NKD1: variants seen among roughly 807,000 people sequenced by gnomAD.
NKD1 encodes the protein NKD inhibitor of Wnt signaling pathway 1, also known as protein naked cuticle homolog 1.
In NKD1, 21 loss-of-function variants were observed where a neutral mutation model predicts 56.0. The observed-to-expected ratio is 0.38, with a 90% confidence interval of 0.27 to 0.54. NKD1 has a LOEUF of 0.54. Among genes scored for constraint, NKD1 ranks in the 20% least tolerant of loss-of-function variants. The pLI is 0.82. For synonymous variants in NKD1, 263 were observed against 265.7 expected, an observed-to-expected ratio of 0.99 and a Z score of 0.10; for missense variants, 578 against 642.7, an observed-to-expected ratio of 0.90 and a Z score of 1.09.
At chr16:50,586,670 C>A (rs1474113876) in intron 3 of NKD1, among the ~76,000 whole-genome samples, 1 of 152,300 alleles carries the variant, frequency 6.6e-6, no homozygotes, top group South Asian at 2.1e-4. Context: ...GCCTTCCTGG[C>A]CTTGCAATTA....
At position 50,643,827 on chromosome 16, in the gene NKD1, C is replaced by T. The variant is rs1380270579; in HGVS notation, c.*10046C>T. On this transcript the variant is annotated 3_prime_UTR_variant, in exon 10 of 10. Transcript: ENST00000268459. ...TTGAACTCAGCCAACAGCTCTATAA[C>T]TCATGACTGAATGAAGCTTATCTAG... 6.6e-6 allele frequency: 1 copy of T among 152,252 alleles called. No individual in the cohort carries two copies. The highest frequency in any genetic ancestry group is 1.5e-5 in the Non-Finnish European group (1 of 68,048). 9.4% of individuals were successfully genotyped at this position (152,252 alleles called of 1,614,324 possible).
intron 7 of NKD1, 127 bp from the exon 8 acceptor site, chr16:50,630,699 A>G: frequency 2.6e-6 from 2 of 756,932 alleles, no homozygotes; most frequent in South Asian, 1.8e-5. Flanking sequence ...AGACCCCTTT[A>G]TTTAGCCCCA....
intron 3 of NKD1, among the ~76,000 whole-genome samples, chr16:50,580,843 C>T (rs570945722): frequency 6.6e-6 from 1 of 152,224 alleles, no homozygotes; most frequent in Admixed American, 6.5e-5. Context: ...CAGTGCCCAC[C>T]AACCCTGTTT....
At chr16:50,558,873 C>T (rs1225172935) in intron 3 of NKD1, among the ~76,000 whole-genome samples, 1 of 152,182 alleles carries the variant, frequency 6.6e-6, no homozygotes, top group African/African-American at 2.4e-5. Context: ...CGTGCCATTG[C>T]ACTCCAGCCT....
At chr16:50,549,084 T>G in intron 2 of NKD1, 1 of 154,592 alleles carries the variant, frequency 6.5e-6, no homozygotes, top group Non-Finnish European at 1.2e-5. Context: ...CTTCTTCCGA[T>G]ATCCTGGCTC....
chr16:50,618,298 G>T (rs984398007), intron 4 of NKD1, among the ~76,000 whole-genome samples: 1 of 152,092 alleles, frequency 6.6e-6, no homozygotes, highest in Non-Finnish European at 1.5e-5. Flanking sequence ...AAATGGCTGG[G>T]CTAAACAGGA....
At chr16:50,587,949 G>A (rs773746727) in intron 3 of NKD1, among the ~76,000 whole-genome samples, 4 of 152,200 alleles carry the variant, frequency 2.6e-5, no homozygotes, top group East Asian at 1.9e-4. Context: ...TCCCGAAACC[G>A]TCTGCCGACC....
intron 3 of NKD1, among the ~76,000 whole-genome samples, chr16:50,581,656 C>G (rs1961118717): frequency 6.6e-6 from 1 of 152,234 alleles, no homozygotes; most frequent in Admixed American, 6.5e-5. Flanking sequence ...ACTGGCTAAA[C>G]AGCAAGTGTC....
At chr16:50,605,687 G>A (rs9924138) in intron 3 of NKD1, among the ~76,000 whole-genome samples, 4,857 of 152,290 alleles carry the variant, frequency 0.032, 264 homozygotes, top group African/African-American at 0.11. Context: ...GATGTTTGTA[G>A]TTTATATGCA....
intron 3 of NKD1, among the ~76,000 whole-genome samples, chr16:50,580,507 C>T (rs986939086): frequency 1.3e-5 from 2 of 152,330 alleles, no homozygotes; most frequent in Middle Eastern, 3.4e-3. Flanking sequence ...AAACCCTTGT[C>T]AAAGGGTTCC....
chr16:50,626,008 G>A (rs574400316), intron 6 of NKD1, among the ~76,000 whole-genome samples: 1 of 152,366 alleles, frequency 6.6e-6, no homozygotes, highest in African/African-American at 2.4e-5. Context: ...GAGCTTGGGG[G>A]TGGGGGCACA....
At chr16:50,560,641 T>C (rs1467812420) in intron 3 of NKD1, among the ~76,000 whole-genome samples, 1 of 151,966 alleles carries the variant, frequency 6.6e-6, no homozygotes, top group African/African-American at 2.4e-5. Flanking sequence ...TTTTTTTTTT[T>C]TTTCAACTGT....
Position 50,645,071 on chromosome 16 carries a change from C to T in NKD1, c.*11290C>T, listed in dbSNP as rs183721716. On this transcript the variant is annotated 3_prime_UTR_variant, in exon 10 of 10. Coordinates refer to ENST00000268459, the MANE Select transcript of NKD1 (RefSeq NM_033119.5). ...CTGCTCAGGCCTGGCTGGCCTTTACCACCGTCATCTCCAGGCTTTCTGTTC... is the reference window on the plus strand; with the variant it reads ...CTGCTCAGGCCTGGCTGGCCTTTACTACCGTCATCTCCAGGCTTTCTGTTC... 5.2e-5 allele frequency: 8 copies of T among 152,394 alleles called. No homozygotes were observed. Among genetic ancestry groups the T allele is most frequent in the African/African-American group, 1.9e-4 (8 of 41,588 alleles). The allele number at this position is 152,394 out of a possible 1,614,324, so 9.4% of individuals were successfully genotyped here. A position where few individuals can be genotyped will look rare whatever the true frequency, so the allele number is the denominator to read the frequency against.
chr16:50,593,309 T>C (rs141643839), intron 3 of NKD1, among the ~76,000 whole-genome samples: 1 of 152,284 alleles, frequency 6.6e-6, no homozygotes, highest in East Asian at 1.9e-4. Flanking sequence ...GTCCACGTCA[T>C]TGAAAAATGT....
chr16:50,563,548 C>T (rs12926373), intron 3 of NKD1, among the ~76,000 whole-genome samples: 38 of 137,386 alleles, frequency 2.8e-4, no homozygotes, highest in African/African-American at 7.4e-4. Context: ...CAGCCCTGGA[C>T]CCATGGAGAA....
chr16:50,582,024 C>A (rs1037570331), intron 3 of NKD1, among the ~76,000 whole-genome samples: 1 of 152,138 alleles, frequency 6.6e-6, no homozygotes, highest in African/African-American at 2.4e-5. Context: ...GTGTGTAGTT[C>A]TTGCCCAGTA....
intron 4 of NKD1, among the ~76,000 whole-genome samples, chr16:50,609,527 G>A (rs1961795165): frequency 6.6e-6 from 1 of 152,168 alleles, no homozygotes; most frequent in Non-Finnish European, 1.5e-5. Context: ...GGTCTGAAGG[G>A]CCACAAGAGG....
chr16:50,584,010 C>CAT (rs1433124089), intron 3 of NKD1, among the ~76,000 whole-genome samples: 2 of 152,230 alleles, frequency 1.3e-5, no homozygotes, highest in African/African-American at 4.8e-5. Flanking sequence ...GTGCAGTTGG[C>CAT]ATATCAGTTA....
chr16:50,608,814 C>T (rs191902291), intron 4 of NKD1, among the ~76,000 whole-genome samples: 2 of 152,270 alleles, frequency 1.3e-5, no homozygotes, highest in Admixed American at 6.5e-5. Flanking sequence ...CAGCCTTTCA[C>T]CTCTCTCCTC....
Sources: gnomAD v4.1 joint callset for allele counts (sites outside exome capture counted in the v4.1 genomes callset) on GRCh38, gnomAD v4.1.1 for gene constraint, MANE v1.5 for transcripts, NCBI Gene and HGNC (gene_info 2026-07-23, HGNC 2026-07-21) for gene names.